Variants in TLL1 observed in about 807,000 individuals in gnomAD.
TLL1 encodes tolloid-like protein 1.
Under a neutral mutation model 128.2 loss-of-function variants are expected in TLL1, and 49 were observed. The observed-to-expected ratio is 0.38, with a 90% confidence interval of 0.30 to 0.48. The LOEUF is 0.48. Among genes scored for constraint, TLL1 ranks in the 20% least tolerant of loss-of-function variants. The probability of loss-of-function intolerance (pLI) is 0.96; values close to 1 mark genes in which losing one functional copy is unlikely to be tolerated. For missense variants in TLL1, 1,123 were observed against 1,242.0 expected (o/e 0.90, Z 1.44); for synonymous variants, 454 against 418.8 (o/e 1.08, Z -1.03).
intron 1 of TLL1, among the ~76,000 whole-genome samples, chr4:165,887,728 A>G (rs1427776280): frequency 3.3e-5 from 5 of 152,180 alleles, no homozygotes; most frequent in Admixed American, 6.5e-5. Context: ...TTGCCATGGC[A>G]TTGAATCTAT....
intron 12 of TLL1, among the ~76,000 whole-genome samples, chr4:166,054,603 C>T (rs1486874531): frequency 2.9e-5 from 4 of 136,468 alleles, no homozygotes; most frequent in South Asian, 2.4e-4. Context: ...GTGTGATGTT[C>T]CCCTTCCTGA....
chr4:166,081,369 T>C (rs529420479), intron 18 of TLL1, among the ~76,000 whole-genome samples: 9 of 152,308 alleles, frequency 5.9e-5, no homozygotes, highest in African/African-American at 1.7e-4. Context: ...CTTCAGACTT[T>C]TCTCATGGCA....
At chr4:166,028,349 T>C (rs989360125) in intron 9 of TLL1, among the ~76,000 whole-genome samples, 1 of 152,216 alleles carries the variant, frequency 6.6e-6, no homozygotes, top group South Asian at 2.1e-4. Context: ...TCTTCAATCA[T>C]CCTTTTCCTA....
chr4:166,064,119 C>T (rs771887328), intron 15 of TLL1, among the ~76,000 whole-genome samples: 2 of 151,918 alleles, frequency 1.3e-5, no homozygotes, highest in Non-Finnish European at 2.9e-5. Flanking sequence ...AGAAAGACTG[C>T]AATTTATCAT....
intron 1 of TLL1, among the ~76,000 whole-genome samples, chr4:165,900,054 A>ATTT (rs546256716): frequency 5.3e-4 from 67 of 126,978 alleles, no homozygotes; most frequent in African/African-American, 1.8e-3. Flanking sequence ...GCTTTCCCTG[A>ATTT]TTTTTTTTTT....
At chr4:166,040,536 G>A (rs1358947548) in intron 10 of TLL1, among the ~76,000 whole-genome samples, 1 of 152,180 alleles carries the variant, frequency 6.6e-6, no homozygotes, top group South Asian at 2.1e-4. Flanking sequence ...GACCACCAGA[G>A]TGAGGCAGTG....
intron 19 of TLL1, among the ~76,000 whole-genome samples, chr4:166,092,664 G>A (rs1741826363): frequency 6.6e-6 from 1 of 152,078 alleles, no homozygotes; most frequent in South Asian, 2.1e-4. Context: ...TTCCAAGAAG[G>A]TAGTGTGAAA....
intron 6 of TLL1, among the ~76,000 whole-genome samples, chr4:166,004,404 GC>G (rs1418624790): frequency 6.6e-6 from 1 of 151,998 alleles, no homozygotes; most frequent in Admixed American, 6.6e-5. Flanking sequence ...TATATTTGAT[GC>G]CGATTATTTA....
intron 6 of TLL1, among the ~76,000 whole-genome samples, chr4:166,006,875 T>C (rs1271790235): frequency 6.6e-6 from 1 of 151,728 alleles, no homozygotes; most frequent in East Asian, 1.9e-4. Context: ...TTATCACGTA[T>C]TGGAGAGACA....
chr4:165,984,244 A>G (rs1201970688), intron 1 of TLL1, among the ~76,000 whole-genome samples: 1 of 151,874 alleles, frequency 6.6e-6, no homozygotes, highest in Non-Finnish European at 1.5e-5. Context: ...AAGAGCTTTT[A>G]ACATTTTTGA....
chr4:165,927,505 G>A (rs140030119), intron 1 of TLL1, among the ~76,000 whole-genome samples: 2 of 152,288 alleles, frequency 1.3e-5, no homozygotes, highest in East Asian at 1.9e-4. Context: ...AAATGTAAGA[G>A]GATTAAGCAT....
intron 20 of TLL1, among the ~76,000 whole-genome samples, chr4:166,100,010 G>A (rs1424065161): frequency 1.3e-5 from 2 of 152,164 alleles, no homozygotes; most frequent in Non-Finnish European, 2.9e-5. Flanking sequence ...CAGAGACACT[G>A]TTCCATTGCA....
At chr4:166,005,162 T>A (rs1377218676) in intron 6 of TLL1, among the ~76,000 whole-genome samples, 2 of 151,968 alleles carry the variant, frequency 1.3e-5, no homozygotes, top group Admixed American at 1.3e-4. Flanking sequence ...CATGAAACAT[T>A]TGAGATATTG....
At chr4:166,033,772 A>T (rs1005811590) in intron 9 of TLL1, among the ~76,000 whole-genome samples, 2 of 152,172 alleles carry the variant, frequency 1.3e-5, no homozygotes, top group South Asian at 2.1e-4. Context: ...TGCATGGTTC[A>T]TGCTGGCAAC....
At chr4:166,028,148 C>G (rs1333195707) in intron 9 of TLL1, among the ~76,000 whole-genome samples, 1 of 151,818 alleles carries the variant, frequency 6.6e-6, no homozygotes, top group Non-Finnish European at 1.5e-5. Flanking sequence ...TCATTAATTT[C>G]AAGCATCTTT....
chr4:165,892,127 A>G (rs1355412511), intron 1 of TLL1, among the ~76,000 whole-genome samples: 1 of 152,242 alleles, frequency 6.6e-6, no homozygotes, highest in Admixed American at 6.5e-5. Context: ...TTGTAAAACT[A>G]TCACAGCTCA....
intron 1 of TLL1, among the ~76,000 whole-genome samples, chr4:165,889,234 G>T (rs1731290797): frequency 6.6e-6 from 1 of 152,070 alleles, no homozygotes; most frequent in Admixed American, 6.6e-5. Context: ...GGCTTTATTT[G>T]AAACTCATTT....
At chr4:166,043,004 G>A (rs1739306832) in intron 11 of TLL1, among the ~76,000 whole-genome samples, 1 of 152,018 alleles carries the variant, frequency 6.6e-6, no homozygotes, top group Admixed American at 6.6e-5. Context: ...AGCCACTAAA[G>A]GTTTTTAAAG....
chr4:165,982,039 A>G (rs528000481), intron 1 of TLL1, among the ~76,000 whole-genome samples: 3 of 152,054 alleles, frequency 2.0e-5, no homozygotes, highest in African/African-American at 7.2e-5. Context: ...CCTGTCTGTT[A>G]TCAGTGCTAA....
Sources: gnomAD v4.1 joint callset for allele counts (sites outside exome capture counted in the v4.1 genomes callset) on GRCh38, gnomAD v4.1.1 for gene constraint, MANE v1.5 for transcripts, NCBI Gene and HGNC (gene_info 2026-07-23, HGNC 2026-07-21) for gene names.